VIPR2: variants seen among roughly 807,000 people sequenced by gnomAD.
VIPR2 encodes vasoactive intestinal peptide receptor 2, also known as vasoactive intestinal polypeptide receptor 2.
VIPR2 carries 48 observed loss-of-function variants against 58.0 expected under a neutral mutation model. The ratio of observed to expected loss-of-function variants is 0.83; its 90% CI spans 0.66 to 1.05. The LOEUF is 1.05. Ranked by LOEUF, VIPR2 falls within the 50% of genes least tolerant of loss-of-function variation. The pLI, the probability that VIPR2 is intolerant of heterozygous loss-of-function variation, is 0.00. For synonymous variants in VIPR2, 243 were observed against 235.2 expected (o/e 1.03, Z -0.30); for missense variants, 534 against 558.0 (o/e 0.96, Z 0.43).
intron 2 of VIPR2, among the ~76,000 whole-genome samples, chr7:159,119,933 C>T (rs746161560): frequency 1.3e-5 from 2 of 150,420 alleles, no homozygotes; most frequent in African/African-American, 2.5e-5. Context: ...TAGGTGGGGT[C>T]GGAAGAAATG....
intron 2 of VIPR2, among the ~76,000 whole-genome samples, chr7:159,118,806 G>C (rs929167878): frequency 6.6e-6 from 1 of 152,232 alleles, no homozygotes; most frequent in Non-Finnish European, 1.5e-5. Context: ...CACTTGGCGC[G>C]GGTGCACAGA....
At chr7:159,043,229 G>T in intron 5 of VIPR2, 53 bp from the exon 6 acceptor site, 2 of 842,606 alleles carry the variant, frequency 2.4e-6, no homozygotes, top group Non-Finnish European at 3.7e-6. Context: ...GGGAGGGAGG[G>T]AGAGAGAACC....
chr7:159,116,043 A>G (rs949482964), intron 2 of VIPR2, among the ~76,000 whole-genome samples: 3 of 152,304 alleles, frequency 2.0e-5, no homozygotes, highest in East Asian at 1.9e-4. Context: ...CCACCCTGCT[A>G]TGTGGCCCCG....
chr7:159,036,040 T>C (rs1853928533), intron 7 of VIPR2, 28 bp from the exon 8 acceptor site: 18 of 1,609,002 alleles, frequency 1.1e-5, no homozygotes, highest in Non-Finnish European at 1.5e-5. Flanking sequence ...GTTACACAGG[T>C]GGAGCGGAGC....
At chr7:159,119,238 G>A (rs964431854) in intron 2 of VIPR2, among the ~76,000 whole-genome samples, 2 of 152,146 alleles carry the variant, frequency 1.3e-5, no homozygotes. Flanking sequence ...CAGGGGTCCC[G>A]CCCCACAGCT....
At chr7:159,142,358 AG>A (rs1563363148) in intron 2 of VIPR2, 87 bp downstream of exon 2, 3 of 829,272 alleles carry the variant, frequency 3.6e-6, no homozygotes, top group Non-Finnish European at 5.7e-6. Flanking sequence ...TTTAAGATGC[AG>A]GTGGTGACCC....
At chr7:159,141,615 G>A (rs181407748) in intron 2 of VIPR2, among the ~76,000 whole-genome samples, 7 of 152,324 alleles carry the variant, frequency 4.6e-5, no homozygotes, top group African/African-American at 1.4e-4. Context: ...AAATGTTAAC[G>A]ATTCAGATTT....
At chr7:159,112,642 CG>C (rs1796064624) in intron 2 of VIPR2, among the ~76,000 whole-genome samples, 1 of 152,204 alleles carries the variant, frequency 6.6e-6, no homozygotes, top group Non-Finnish European at 1.5e-5. Flanking sequence ...AGGGAACCGA[CG>C]GGACCCGGCC....
chr7:159,140,700 A>G (rs1797429284), intron 2 of VIPR2, among the ~76,000 whole-genome samples: 1 of 152,232 alleles, frequency 6.6e-6, no homozygotes. Context: ...TCGGGCCTGC[A>G]TATGAACCCG....
intron 2 of VIPR2, among the ~76,000 whole-genome samples, chr7:159,136,300 TA>T (rs1797224220): frequency 6.7e-6 from 1 of 148,754 alleles, no homozygotes; most frequent in African/African-American, 2.4e-5. Flanking sequence ...GAAAACCCAC[TA>T]ATCTATTAAC....
chr7:159,103,872 G>A lies in VIPR2; in HGVS notation c.260-18C>T, dbSNP rs140267826. 1,183 of 1,606,346 alleles carry A rather than the reference G, an allele frequency of 7.4e-4. 5 individuals are homozygous for A. In the African/African-American group the frequency reaches 0.013, roughly 18 times the overall value. The stretch of plus-strand genomic sequence containing the variant: ...TATGTTTCCTGGAAAGTGAAGTTCA[G>A]ATATTTTATCTGCAAGTCCATGAAA... On this transcript the variant is annotated intron_variant, in intron 3 of 12. Coordinates refer to ENST00000262178, the MANE Select transcript of VIPR2 (RefSeq NM_003382.5).
chr7:159,043,066 G>A lies in VIPR2; in HGVS notation c.566C>T (p.Thr189Met), dbSNP rs770411003. The A allele has an allele frequency of 2.4e-5, 39 of 1,614,200 alleles. No homozygotes were observed. Among genetic ancestry groups the A allele is most frequent in the Non-Finnish European group, 3.0e-5 (35 of 1,180,030 alleles). The change falls in exon 6 of 13, where the codon ACG becomes ATG. Residue 189 changes from threonine (T) to methionine (M), a missense_variant. By Grantham distance (81) the Thr-to-Met change is moderately conservative. This residue lies in a region of VIPR2 where 224 missense variants were observed against 255.7 expected (regional missense o/e 0.88). Coordinates refer to ENST00000262178, the MANE Select transcript of VIPR2 (RefSeq NM_003382.5). ...GGATGGCTGGTCAGGGCAGTGCAAC[G>A]TGCCAGAGCTGGAGTAGAGAACGTC... ...KDDVLYSSSG[T>M]LHCPDQPSSW...
intron 4 of VIPR2, among the ~76,000 whole-genome samples, chr7:159,101,045 T>A (rs1183540130): frequency 7.3e-6 from 1 of 136,630 alleles, no homozygotes; most frequent in Non-Finnish European, 1.5e-5. Flanking sequence ...TCTCACGAGA[T>A]CCGACAAGGC....
intron 9 of VIPR2, 43 bp from the exon 10 acceptor site, chr7:159,034,347 C>A (rs1409169664): frequency 6.3e-7 from 1 of 1,592,316 alleles, no homozygotes; most frequent in East Asian, 2.3e-5. Context: ...CACGTGGATC[C>A]CTAATTTGCC....
At chr7:159,109,534 C>T (rs975418936) in intron 3 of VIPR2, among the ~76,000 whole-genome samples, 2 of 152,210 alleles carry the variant, frequency 1.3e-5, no homozygotes, top group Non-Finnish European at 2.9e-5. Flanking sequence ...CCTCCCCTCT[C>T]ATGCACGTTT....
At chr7:159,117,270 C>T (rs1318938122) in intron 2 of VIPR2, 9 of 716,128 alleles carry the variant, frequency 1.3e-5, no homozygotes, top group East Asian at 1.1e-4. Flanking sequence ...ATACCACACA[C>T]GAGGCTTCCT....
chr7:159,057,717 C>T (rs2129493978), intron 5 of VIPR2, among the ~76,000 whole-genome samples: 1 of 152,294 alleles, frequency 6.6e-6, no homozygotes, highest in Non-Finnish European at 1.5e-5. Context: ...AATCCTAATT[C>T]ACCAGAGCTC....
intron 2 of VIPR2, among the ~76,000 whole-genome samples, chr7:159,120,931 TA>T (rs1218611878): frequency 1.3e-5 from 2 of 152,230 alleles, no homozygotes; most frequent in African/African-American, 4.8e-5. Context: ...AGCTTGGACT[TA>T]AACAGGGGCC....
rs1292503045 is a variant in VIPR2, at chr7:159,034,209, T to C, written c.971+4A>G. Reference sequence around the variant, plus strand: ...GGGACGGCCAGGCCGGGACACACACTCACTTGTACTGAGACTGGTCGTTGC... The same window carrying C: ...GGGACGGCCAGGCCGGGACACACACCCACTTGTACTGAGACTGGTCGTTGC... On this transcript the variant is annotated splice_donor_region_variant and intron_variant, in intron 10 of 12. Coordinates refer to ENST00000262178, the MANE Select transcript of VIPR2 (RefSeq NM_003382.5). 6.2e-7 allele frequency: 1 copy of C among 1,613,782 alleles called. No individual in the cohort carries two copies. Among genetic ancestry groups the C allele is most frequent in the East Asian group, 2.2e-5 (1 of 44,884 alleles).
Sources: allele counts gnomAD v4.1 joint callset (sites outside exome capture counted in the v4.1 genomes callset), GRCh38; gene constraint gnomAD v4.1.1; regional missense constraint gnomAD v4.1.1; transcripts MANE v1.5; gene names NCBI Gene and HGNC (gene_info 2026-07-23, HGNC 2026-07-21).